FSTL5: variants seen among roughly 807,000 people sequenced by gnomAD.
FSTL5 encodes the protein follistatin-related protein 5.
FSTL5 carries 62 observed loss-of-function variants against 89.1 expected under a neutral mutation model. That is an observed-to-expected ratio of 0.70 (90% CI 0.57 to 0.86). The LOEUF (loss-of-function observed/expected upper bound fraction) is 0.86, where lower values mean the gene tolerates loss of function less well. Ranked by LOEUF, FSTL5 falls within the 40% of genes least tolerant of loss-of-function variation. The pLI, the probability that FSTL5 is intolerant of heterozygous loss-of-function variation, is 0.00. For synonymous variants in FSTL5, 383 were observed against 346.2 expected (o/e 1.11, Z -1.18); for missense variants, 1,057 against 1,001.6 (o/e 1.06, Z -0.75).
chr4:162,095,857 C>T (rs1414632635), intron 2 of FSTL5, among the ~76,000 whole-genome samples: 1 of 151,834 alleles, frequency 6.6e-6, no homozygotes, highest in East Asian at 1.9e-4. Context: ...AAAATACACA[C>T]GTTACATGTG....
intron 6 of FSTL5, among the ~76,000 whole-genome samples, chr4:161,701,198 C>T (rs1688708090): frequency 6.6e-6 from 1 of 152,184 alleles, no homozygotes; most frequent in Admixed American, 6.5e-5. Flanking sequence ...CTATGTTTCA[C>T]ATTTAATAGT....
chr4:161,936,797 TC>T (rs1235455979), intron 3 of FSTL5, among the ~76,000 whole-genome samples: 1 of 152,126 alleles, frequency 6.6e-6, no homozygotes, highest in African/African-American at 2.4e-5. Context: ...AAAGCAGCCC[TC>T]TACCACAGTG....
intron 2 of FSTL5, among the ~76,000 whole-genome samples, chr4:162,068,314 C>G (rs765120021): frequency 6.6e-6 from 1 of 152,054 alleles, no homozygotes; most frequent in Non-Finnish European, 1.5e-5. Context: ...CTACAAGCTA[C>G]AGTAACCAAA....
chr4:161,521,861 AAAAG>A lies in FSTL5; in HGVS notation c.1313-11441_1313-11438del, dbSNP rs1305800584. Among the ~76,000 whole-genome samples the A allele has an allele frequency of 6.2e-5, 8 of 128,676 alleles. 1 individual carries two copies. The highest frequency in any genetic ancestry group is 5.2e-4 in the South Asian group (2 of 3,872). 84.4% of individuals were successfully genotyped at this position (128,676 alleles called of 152,430 possible). A position where few individuals can be genotyped will look rare whatever the true frequency, so the allele number is the denominator to read the frequency against. ...AGGACTCCACCTCAAAAAAAAAAAA[AAAAG>A]AAAAAAAAAGAAAAAAAGGTTATGA... On this transcript the variant is annotated intron_variant, in intron 10 of 15. Coordinates refer to ENST00000306100, the MANE Select transcript of FSTL5 (RefSeq NM_020116.5).
At chr4:161,937,660 T>C (rs1734468914) in intron 3 of FSTL5, among the ~76,000 whole-genome samples, 1 of 152,138 alleles carries the variant, frequency 6.6e-6, no homozygotes, top group Non-Finnish European at 1.5e-5. Context: ...TCTGTGCTGA[T>C]TATGGCCCTA....
At chr4:161,922,825 A>T (rs933498159) in intron 3 of FSTL5, among the ~76,000 whole-genome samples, 10 of 88,538 alleles carry the variant, frequency 1.1e-4, no homozygotes, top group African/African-American at 3.9e-4. Flanking sequence ...AAAAATGAAT[A>T]TAGTTGATTT....
chr4:161,601,738 A>G (rs898265388), intron 7 of FSTL5, among the ~76,000 whole-genome samples: 2 of 152,162 alleles, frequency 1.3e-5, no homozygotes, highest in South Asian at 2.1e-4. Flanking sequence ...AGCTCCCACC[A>G]CAAGCACAAA....
At chr4:161,953,740 G>T (rs1223237556) in intron 3 of FSTL5, among the ~76,000 whole-genome samples, 1 of 151,476 alleles carries the variant, frequency 6.6e-6, no homozygotes, top group Non-Finnish European at 1.5e-5. Context: ...GGAACAAAAA[G>T]CACAAAATAG....
rs538488649 is a variant in FSTL5, at chr4:162,040,281, A to G, written c.127-6623T>C. ...CTGAGGTGTTTTAAAAGATATTGTT[A>G]GACCCACTAAGTAATATGGATTGGA... On this transcript the variant is annotated intron_variant, in intron 2 of 15. Transcript: ENST00000306100. Among the ~76,000 whole-genome samples, 4 of 152,250 alleles carry G rather than the reference A, an allele frequency of 2.6e-5. No homozygotes were observed. In the East Asian group the frequency reaches 7.7e-4, roughly 29 times the overall value.
At chr4:161,611,809 C>T (rs555204976) in intron 7 of FSTL5, among the ~76,000 whole-genome samples, 1 of 152,258 alleles carries the variant, frequency 6.6e-6, no homozygotes, top group African/African-American at 2.4e-5. Flanking sequence ...AAGAAAACAG[C>T]CATGGGAGGA....
intron 7 of FSTL5, among the ~76,000 whole-genome samples, chr4:161,641,985 G>A (rs1279753886): frequency 6.6e-6 from 1 of 152,048 alleles, no homozygotes; most frequent in Non-Finnish European, 1.5e-5. Context: ...AAAACAAATA[G>A]CAAAATGAAA....
intron 11 of FSTL5, among the ~76,000 whole-genome samples, chr4:161,507,228 C>T (rs1281387157): frequency 2.6e-5 from 4 of 151,760 alleles, no homozygotes; most frequent in Non-Finnish European, 5.9e-5. Context: ...CCTATATAAT[C>T]CAAAACATAT....
At chr4:162,077,239 A>G (rs1289310128) in intron 2 of FSTL5, among the ~76,000 whole-genome samples, 4 of 151,734 alleles carry the variant, frequency 2.6e-5, no homozygotes, top group African/African-American at 9.7e-5. Flanking sequence ...AGAAAGAGGG[A>G]GCCCAACTGG....
At chr4:161,986,749 G>A (rs1018138905) in intron 3 of FSTL5, among the ~76,000 whole-genome samples, 11 of 152,110 alleles carry the variant, frequency 7.2e-5, no homozygotes, top group Admixed American at 7.2e-4. Flanking sequence ...GGCAGGAGGT[G>A]TTAGAGTCAG....
chr4:161,915,702 A>C (rs1733819091), intron 4 of FSTL5, among the ~76,000 whole-genome samples: 1 of 152,122 alleles, frequency 6.6e-6, no homozygotes. Flanking sequence ...TTTTATCTAC[A>C]TTTCTTATTG....
chr4:162,112,601 C>T (rs1318492272), intron 1 of FSTL5, among the ~76,000 whole-genome samples: 1 of 152,114 alleles, frequency 6.6e-6, no homozygotes, highest in Non-Finnish European at 1.5e-5. Context: ...TTTAGACAGG[C>T]AGAAATGGCC....
At chr4:161,807,231 A>G (rs1729998589) in intron 4 of FSTL5, among the ~76,000 whole-genome samples, 1 of 151,430 alleles carries the variant, frequency 6.6e-6, no homozygotes, top group Non-Finnish European at 1.5e-5. Flanking sequence ...ACACACACAT[A>G]TATATTTGTA....
Position 161,941,167 on chromosome 4 carries a change from A to T in FSTL5, c.161-20515T>A, listed in dbSNP as rs145950138. Among the ~76,000 whole-genome samples, 424 of 152,014 alleles carry T rather than the reference A, an allele frequency of 2.8e-3. 1 individual carries two copies. The highest frequency in any genetic ancestry group is 9.9e-3 in the African/African-American group (410 of 41,560). On this transcript the variant is annotated intron_variant, in intron 3 of 15. Transcript: ENST00000306100. ...GAAAATATCTAAAAATATACATAAA[A>T]GGAAACAAGAAGCAAATGAAAACAG...
intron 6 of FSTL5, among the ~76,000 whole-genome samples, chr4:161,673,712 A>G (rs936416623): frequency 3.0e-4 from 45 of 152,128 alleles, no homozygotes; most frequent in Non-Finnish European, 2.5e-4. Context: ...GCCTGAGTTT[A>G]TTATTAATTT....
Sources: gnomAD v4.1 joint callset for allele counts (sites outside exome capture counted in the v4.1 genomes callset) on GRCh38, gnomAD v4.1.1 for gene constraint, MANE v1.5 for transcripts, NCBI Gene and HGNC (gene_info 2026-07-23, HGNC 2026-07-21) for gene names.